GFRA1: variants seen among roughly 807,000 people sequenced by gnomAD.
The protein encoded by GFRA1 is GDNF family receptor alpha-1.
In GFRA1, 16 loss-of-function variants were observed where a neutral mutation model predicts 51.6. The observed-to-expected ratio is 0.31, with a 90% CI of 0.21 to 0.47. The LOEUF (loss-of-function observed/expected upper bound fraction) is 0.47. Among genes scored for constraint, GFRA1 ranks in the 20% least tolerant of loss-of-function variants. The probability of loss-of-function intolerance (pLI) is 1.00; values close to 1 mark genes in which losing one functional copy is unlikely to be tolerated. For synonymous variants in GFRA1, 270 were observed against 241.3 expected (o/e 1.12, Z -1.10); for missense variants, 530 against 594.3 (o/e 0.89, Z 1.13).
intron 5 of GFRA1, among the ~76,000 whole-genome samples, chr10:116,200,382 T>C (rs1256283778): frequency 2.0e-5 from 3 of 152,220 alleles, no homozygotes; most frequent in Non-Finnish European, 4.4e-5. Context: ...TCACTAGCTG[T>C]AAGACCTTCT....
chr10:116,263,169 GC>G (rs1261969319), intron 4 of GFRA1, among the ~76,000 whole-genome samples: 1 of 152,154 alleles, frequency 6.6e-6, no homozygotes, highest in Non-Finnish European at 1.5e-5. Context: ...TTTATAAGCA[GC>G]CTTCCTGAAG....
At chr10:116,215,132 T>C (rs985398296) in intron 4 of GFRA1, among the ~76,000 whole-genome samples, 1 of 152,214 alleles carries the variant, frequency 6.6e-6, no homozygotes, top group African/African-American at 2.4e-5. Context: ...TTCTTACTAT[T>C]ATTTATCTTT....
intron 5 of GFRA1, among the ~76,000 whole-genome samples, chr10:116,146,796 C>G (rs1565609267): frequency 1.3e-5 from 2 of 152,156 alleles, no homozygotes; most frequent in Non-Finnish European, 2.9e-5. Flanking sequence ...GAAGAAAGCT[C>G]AGAGTGAAAA....
At chr10:116,080,255 A>G (rs899667705) in intron 9 of GFRA1, among the ~76,000 whole-genome samples, 1 of 152,230 alleles carries the variant, frequency 6.6e-6, no homozygotes, top group Non-Finnish European at 1.5e-5. Flanking sequence ...TTCTACTGTC[A>G]TCTGCACGTT....
At chr10:116,175,050 T>C (rs940500358) in intron 5 of GFRA1, among the ~76,000 whole-genome samples, 4 of 152,244 alleles carry the variant, frequency 2.6e-5, no homozygotes, top group Admixed American at 6.5e-5. Flanking sequence ...AAATGAAATC[T>C]CACTCAGGCA....
chr10:116,191,187 C>CA (rs374482181), intron 5 of GFRA1, among the ~76,000 whole-genome samples: 10 of 151,520 alleles, frequency 6.6e-5, no homozygotes, highest in South Asian at 2.1e-4. Context: ...ATTTAGTCAG[C>CA]AAAAAAAACC....
At chr10:116,239,911 G>A (rs538420720) in intron 4 of GFRA1, among the ~76,000 whole-genome samples, 9 of 152,096 alleles carry the variant, frequency 5.9e-5, no homozygotes, top group Non-Finnish European at 1.2e-4. Context: ...ATAGCGCCCT[G>A]TTAACATAGC....
chr10:116,168,151 T>A (rs1057507179), intron 5 of GFRA1, among the ~76,000 whole-genome samples: 15 of 152,050 alleles, frequency 9.9e-5, no homozygotes, highest in African/African-American at 3.6e-4. Flanking sequence ...GGAATTTTTT[T>A]TTTTTTTTTT....
In GFRA1 at chr10:116,125,320, C is replaced by T. The variant is rs1005537154; in HGVS notation, c.671G>A (p.Arg224Gln). ...CACAGGCACGATGGTCTGTCGCCTC[C>T]GCTCTGTGCAGGCGATGTCCCGGCA... Reference protein sequence around the residue: ...CSCRDIACTERRRQTIVPVCS... With the variant: ...CSCRDIACTEQRRQTIVPVCS... Residue 224 changes from arginine (R) to glutamine (Q), a missense_variant, in exon 6 of 11, where the codon CGG (arginine) becomes CAG (glutamine). Transcript: ENST00000355422. The T allele has an allele frequency of 4.3e-6, 7 of 1,614,228 alleles. No homozygotes were observed. Among genetic ancestry groups the T allele is most frequent in the South Asian group, 1.1e-5 (1 of 91,090 alleles).
chr10:116,139,410 T>G (rs150118427), intron 5 of GFRA1, among the ~76,000 whole-genome samples: 445 of 152,358 alleles, frequency 2.9e-3, no homozygotes, highest in Admixed American at 6.7e-3. Flanking sequence ...GTAAAATGCA[T>G]GCATTCTACC....
chr10:116,097,516 G>T (rs3847475), intron 6 of GFRA1, among the ~76,000 whole-genome samples: 4,187 of 152,272 alleles, frequency 0.027, 185 homozygotes, highest in African/African-American at 0.096. Flanking sequence ...AGATGCAGCA[G>T]CCCAGAAGGG....
chr10:116,157,771 T>G (rs1250428259), intron 5 of GFRA1, among the ~76,000 whole-genome samples: 1 of 152,214 alleles, frequency 6.6e-6, no homozygotes, highest in Non-Finnish European at 1.5e-5. Context: ...ACTACCTTAG[T>G]AAGCTTCCTA....
intron 10 of GFRA1, 80 bp from the exon 11 acceptor site, chr10:116,064,624 C>T (rs994387889): frequency 8.2e-5 from 107 of 1,308,678 alleles, no homozygotes; most frequent in Non-Finnish European, 1.1e-4. Flanking sequence ...TCTCTCCCCC[C>T]GACTCCCCAC....
intron 4 of GFRA1, among the ~76,000 whole-genome samples, chr10:116,232,562 G>T (rs1399310967): frequency 2.0e-5 from 3 of 151,454 alleles, no homozygotes; most frequent in Non-Finnish European, 4.4e-5. Context: ...GTCTAATTTT[G>T]TAACAAATCA....
chr10:116,272,465 T>A lies in GFRA1; in HGVS notation c.-246-190A>T. 1 of 280,178 alleles carries A rather than the reference T, an allele frequency of 3.6e-6. No homozygotes were observed. 17.4% of individuals were successfully genotyped at this position (280,178 alleles called of 1,614,324 possible). ...CTGACACGGGGATGGAGGTGAGGGCTGGAGAGGTCTGAAGAGGGTTCCTAA... is the reference window on the plus strand; with the variant it reads ...CTGACACGGGGATGGAGGTGAGGGCAGGAGAGGTCTGAAGAGGGTTCCTAA... On this transcript the variant is annotated intron_variant, in intron 1 of 10. Coordinates refer to ENST00000355422, the MANE Select transcript of GFRA1 (RefSeq NM_005264.8). This position sits in a 1 kb window ranked among gnomAD's most constrained non-coding sequence, Gnocchi z 4.4.
At chr10:116,170,366 C>A (rs1960907134) in intron 5 of GFRA1, among the ~76,000 whole-genome samples, 1 of 152,198 alleles carries the variant, frequency 6.6e-6, no homozygotes, top group African/African-American at 2.4e-5. Flanking sequence ...AATGTCTTCT[C>A]TTTACTTTCA....
chr10:116,188,911 A>G (rs1490109141), intron 5 of GFRA1, among the ~76,000 whole-genome samples: 2 of 151,420 alleles, frequency 1.3e-5, no homozygotes, highest in Non-Finnish European at 2.9e-5. Context: ...AAAAAAAAAA[A>G]AAAGGTAAAT....
Position 116,058,451 on chromosome 10 carries a change from G to T in GFRA1, c.*5947C>A, listed in dbSNP as rs1954655856. The T allele has an allele frequency of 6.6e-6, 1 of 152,262 alleles. No individual in the cohort carries two copies. The highest frequency in any genetic ancestry group is 2.1e-4 in the South Asian group (1 of 4,820). The allele number at this position is 152,262 out of a possible 1,614,324, so 9.4% of individuals were successfully genotyped here. ...GCTCATGGCCCTCTGAGGCCCAGAG[G>T]AGTGGCTGCCCAAGTGCTCAGAGGT... is the stretch of plus-strand genomic sequence containing the variant. On this transcript the variant is annotated 3_prime_UTR_variant, in exon 11 of 11. Transcript: ENST00000355422.
intron 5 of GFRA1, among the ~76,000 whole-genome samples, chr10:116,170,447 G>T (rs1319118853): frequency 6.6e-6 from 1 of 152,098 alleles, no homozygotes; most frequent in Non-Finnish European, 1.5e-5. Flanking sequence ...TCAACAGATG[G>T]TGTTTCAATT....
Sources: gnomAD v4.1 joint callset for allele counts (sites outside exome capture counted in the v4.1 genomes callset) on GRCh38, gnomAD v4.1.1 for gene constraint, Gnocchi (gnomAD v3.1) non-coding constraint, MANE v1.5 for transcripts, NCBI Gene and HGNC (gene_info 2026-07-23, HGNC 2026-07-21) for gene names.